ST8SIA4: variants seen among roughly 807,000 people sequenced by gnomAD.
ST8SIA4 encodes CMP-N-acetylneuraminate-poly-alpha-2,8-sialyltransferase.
A neutral mutation model predicts 33.9 loss-of-function variants in ST8SIA4; 15 were observed. That is an observed-to-expected ratio of 0.44 (90% CI 0.30 to 0.68). The LOEUF is 0.68. ST8SIA4 is among the 30% of genes least tolerant of loss of function. The pLI is 0.10. For missense variants in ST8SIA4, 321 were observed against 428.0 expected (o/e 0.75, Z 2.21); for synonymous variants, 171 against 151.2 (o/e 1.13, Z -0.96).
At chr5:100,900,281 GTGCCCCCCAAAGGCCAGAGAC>G (rs1346814438) in intron 1 of ST8SIA4, 1 of 378,042 alleles carries the variant, frequency 2.6e-6, no homozygotes, top group African/African-American at 2.1e-5. Context: ...AAGGCTCGCA[GTGCCCCCCAAAGGCCAGAGAC>G]TGCCTTGGTT....
At chr5:100,849,466 T>C in intron 4 of ST8SIA4, 8 of 985,058 alleles carry the variant, frequency 8.1e-6, no homozygotes, top group Non-Finnish European at 9.6e-6. Context: ...ACCTGCAAAA[T>C]ACATATGTGA....
intron 4 of ST8SIA4, among the ~76,000 whole-genome samples, chr5:100,821,823 ATCTT>A (rs1231750633): frequency 4.6e-5 from 7 of 152,142 alleles, no homozygotes; most frequent in African/African-American, 1.7e-4. Flanking sequence ...TCAAATATAA[ATCTT>A]TATTCTCTAT....
chr5:100,821,235 AC>A (rs1215562837), intron 4 of ST8SIA4, among the ~76,000 whole-genome samples: 1 of 152,132 alleles, frequency 6.6e-6, no homozygotes, highest in African/African-American at 2.4e-5. Flanking sequence ...ATGGAGTCCT[AC>A]AAAGAAAAAA....
chr5:100,811,749 G>A lies in ST8SIA4; in HGVS notation c.*98C>T. On this transcript the variant is annotated 3_prime_UTR_variant, in exon 5 of 5. Coordinates refer to ENST00000231461, the MANE Select transcript of ST8SIA4 (RefSeq NM_005668.6). ...TCCTTTATTCACCTTTCAGTTCATT[G>A]GTGGATGCTGAAACCCAGCCGTGTT... The A allele has an allele frequency of 8.2e-7, 1 of 1,222,472 alleles. No homozygotes were observed. Among genetic ancestry groups the A allele is most frequent in the Non-Finnish European group, 1.1e-6 (1 of 883,952 alleles). 75.7% of individuals were successfully genotyped at this position (1,222,472 alleles called of 1,614,324 possible).
chr5:100,823,956 C>CT (rs1751085830), intron 4 of ST8SIA4, among the ~76,000 whole-genome samples: 1 of 152,156 alleles, frequency 6.6e-6, no homozygotes, highest in Non-Finnish European at 1.5e-5. Flanking sequence ...TTAACTCAGA[C>CT]TTTATAACAA....
chr5:100,881,563 A>AT (rs1296463714), intron 3 of ST8SIA4, among the ~76,000 whole-genome samples: 1 of 152,220 alleles, frequency 6.6e-6, no homozygotes, highest in Non-Finnish European at 1.5e-5. Flanking sequence ...TACTCATGAA[A>AT]TCTAAAAGAA....
intron 4 of ST8SIA4, among the ~76,000 whole-genome samples, chr5:100,832,442 C>T (rs1032334251): frequency 6.6e-6 from 1 of 152,086 alleles, no homozygotes; most frequent in African/African-American, 2.4e-5. Flanking sequence ...CTTTGGACCA[C>T]AGAAACTGCA....
chr5:100,832,057 G>T lies in ST8SIA4; in HGVS notation c.798-19928C>A, dbSNP rs571290485. 4.6e-5 allele frequency among the ~76,000 whole-genome samples: 7 copies of T among 152,172 alleles called. 1 individual carries two copies. The South Asian group carries it at 1.5e-3, about 32-fold the overall frequency. On this transcript the variant is annotated intron_variant, in intron 4 of 4. Transcript: ENST00000231461. ...AAAGAGAATCTAGTTTAGTTTAAAT[G>T]CTATTTTAATCTTTCTCTACATAGA... is the stretch of plus-strand genomic sequence containing the variant.
At chr5:100,877,608 T>C (rs1336686446) in intron 3 of ST8SIA4, among the ~76,000 whole-genome samples, 1 of 152,100 alleles carries the variant, frequency 6.6e-6, no homozygotes, top group African/African-American at 2.4e-5. Context: ...TTTTCAAGGG[T>C]TGTTACAAAT....
At chr5:100,822,841 A>T (rs1751056514) in intron 4 of ST8SIA4, among the ~76,000 whole-genome samples, 1 of 152,176 alleles carries the variant, frequency 6.6e-6, no homozygotes, top group Non-Finnish European at 1.5e-5. Context: ...AACCGTTTGC[A>T]ATAAAGAAAC....
intron 4 of ST8SIA4, among the ~76,000 whole-genome samples, chr5:100,853,985 A>ATGTGTGTGTGTGTG (rs55821438): frequency 0.015 from 1,181 of 76,958 alleles, 8 homozygotes; most frequent in Non-Finnish European, 0.024. Context: ...GTGTGTGTGT[A>ATGTGTGTGTGTGTG]TGTGTGTGTG....
At chr5:100,893,081 A>G (rs913685580) in intron 2 of ST8SIA4, among the ~76,000 whole-genome samples, 1 of 152,158 alleles carries the variant, frequency 6.6e-6, no homozygotes, top group Non-Finnish European at 1.5e-5. Context: ...CCCACACCCA[A>G]TCACTGACCC....
rs1263907195 is a variant in ST8SIA4 at position 100,808,765 on chromosome 5, T to C, written c.*3082A>G. On this transcript the variant is annotated 3_prime_UTR_variant, in exon 5 of 5. Coordinates refer to ENST00000231461, the MANE Select transcript of ST8SIA4 (RefSeq NM_005668.6). Reference sequence around the variant, plus strand: ...TATTCTTGCCATTAGCCTTCATTGATCTTGCTCTGTTTCCATAAAAAGGCC... The same window carrying C: ...TATTCTTGCCATTAGCCTTCATTGACCTTGCTCTGTTTCCATAAAAAGGCC... The C allele has an allele frequency of 6.5e-6, 1 of 152,686 alleles. No homozygotes were observed. The highest frequency in any genetic ancestry group is 2.4e-5 in the African/African-American group (1 of 41,468). The allele number at this position is 152,686 out of a possible 1,614,324, so 9.5% of individuals were successfully genotyped here.
chr5:100,813,054 A>T (rs1349562141), intron 4 of ST8SIA4, among the ~76,000 whole-genome samples: 1 of 152,040 alleles, frequency 6.6e-6, no homozygotes, highest in Non-Finnish European at 1.5e-5. Context: ...CTATTTGGAG[A>T]GATATGTGCT....
intron 4 of ST8SIA4, chr5:100,849,139 C>A (rs908664252): frequency 2.0e-6 from 2 of 980,636 alleles, no homozygotes; most frequent in Admixed American, 6.2e-5. Flanking sequence ...GAATACATTC[C>A]TGAGGATGTT....
Position 100,862,643 on chromosome 5 carries a change from C to A in ST8SIA4, c.504-6247G>T, listed in dbSNP as rs567174414. ...TCTTAAACTCCTGTCTTCAGGTGAT[C>A]CACCCGCCTCTGCCTCCCAAGTAGC... On this transcript the variant is annotated intron_variant, in intron 3 of 4. Transcript: ENST00000231461. 2.6e-5 allele frequency among the ~76,000 whole-genome samples: 4 copies of A among 152,094 alleles called. No homozygotes were observed. In the South Asian group the frequency reaches 8.3e-4, roughly 32 times the overall value.
chr5:100,893,733 TG>T (rs1253320195), intron 2 of ST8SIA4, among the ~76,000 whole-genome samples: 1 of 152,172 alleles, frequency 6.6e-6, no homozygotes, highest in African/African-American at 2.4e-5. Flanking sequence ...TTAGATTTTT[TG>T]CTATCTGACA....
Position 100,856,240 on chromosome 5 carries a change from G to T in ST8SIA4, c.660C>A (p.Asp220Glu). The T allele has an allele frequency of 6.2e-7, 1 of 1,614,098 alleles. No individual in the cohort carries two copies. Among genetic ancestry groups the T allele is most frequent in the East Asian group, 2.2e-5 (1 of 44,870 alleles). The change falls in exon 4 of 5, where the codon GAC becomes GAA. Residue 220 changes from aspartate (D) to glutamate (E), a missense_variant. Asp to Glu is a conservative substitution (Grantham distance 45). Coordinates refer to ENST00000231461, the MANE Select transcript of ST8SIA4 (RefSeq NM_005668.6). ...TGAAAGCAGGAATCCAAAGGACACT[G>T]TCATTCAGCATGGAAAGTCTATGCA... ...KFVHRLSMLNDSVLWIPAFMV... is the reference protein window; with the variant it reads ...KFVHRLSMLNESVLWIPAFMV...
chr5:100,898,849 C>T (rs1428957984), intron 1 of ST8SIA4, among the ~76,000 whole-genome samples: 1 of 152,142 alleles, frequency 6.6e-6, no homozygotes, highest in East Asian at 1.9e-4. Flanking sequence ...CAAGAAGATT[C>T]AATATGTACT....
Sources: gnomAD v4.1 joint callset for allele counts (sites outside exome capture counted in the v4.1 genomes callset) on GRCh38, gnomAD v4.1.1 for gene constraint, MANE v1.5 for transcripts, NCBI Gene and HGNC (gene_info 2026-07-23, HGNC 2026-07-21) for gene names.